IFIH1: variants seen among roughly 807,000 people sequenced by gnomAD.
IFIH1 encodes interferon induced with helicase C domain 1.
In IFIH1, 125 loss-of-function variants were observed where a neutral mutation model predicts 107.4. The observed-to-expected ratio is 1.16, with a 90% CI of 1.01 to 1.35. IFIH1 has a LOEUF of 1.35. Ranked by LOEUF, IFIH1 falls within the 40% of genes most tolerant of loss-of-function variation. The pLI is 0.00. For synonymous variants in IFIH1, 458 were observed against 413.2 expected (o/e 1.11, Z -1.31); for missense variants, 1,333 against 1,213.7 (o/e 1.10, Z -1.46).
chr2:162,284,517 TAGA>T (rs1198616233), intron 5 of IFIH1, among the ~76,000 whole-genome samples: 6 of 151,966 alleles, frequency 3.9e-5, no homozygotes, highest in Non-Finnish European at 8.8e-5. Flanking sequence ...CCTTTTATTC[TAGA>T]AGGAGGGTGC....
chr2:162,269,012 C>T (rs901868646), intron 13 of IFIH1, among the ~76,000 whole-genome samples: 1 of 152,210 alleles, frequency 6.6e-6, no homozygotes, highest in East Asian at 1.9e-4. Context: ...ACCCAAATGC[C>T]TTTAATCTTT....
Position 162,277,672 on chromosome 2 carries a change from T to C in IFIH1, c.1787A>G (p.Lys596Arg), listed in dbSNP as rs755951360. ...CAAATGTTCTGCACAAACACGTTCT[T>C]TGCGATTTCCTTCTTTTGCAGCTGT... is the stretch of plus-strand genomic sequence containing the variant. ...EKKAAKEGNR[K>R]ERVCAEHLRK... Residue 596 changes from lysine to arginine, a missense_variant, in exon 10 of 16, where the codon AAA (lysine) becomes AGA (arginine). Coordinates refer to ENST00000649979, the MANE Select transcript of IFIH1 (RefSeq NM_022168.4). The C allele has an allele frequency of 6.2e-6, 10 of 1,604,300 alleles. No individual in the cohort carries two copies. The highest frequency in any genetic ancestry group is 8.5e-6 in the Non-Finnish European group (10 of 1,175,770).
intron 1 of IFIH1, among the ~76,000 whole-genome samples, chr2:162,311,836 G>T (rs1221064203): frequency 1.3e-5 from 2 of 152,042 alleles, no homozygotes; most frequent in Non-Finnish European, 2.9e-5. Context: ...TGGTTACAAG[G>T]CAGCTGAAAA....
intron 6 of IFIH1, 56 bp from the exon 7 acceptor site, chr2:162,281,601 A>G (rs1682811516): frequency 7.6e-7 from 1 of 1,319,668 alleles, no homozygotes; most frequent in African/African-American, 1.5e-5. Flanking sequence ...ACAGTGAGAA[A>G]ATAGCTTTAG....
intron 11 of IFIH1, among the ~76,000 whole-genome samples, chr2:162,275,355 T>C (rs1691131381): frequency 6.6e-6 from 1 of 152,128 alleles, no homozygotes; most frequent in Non-Finnish European, 1.5e-5. Flanking sequence ...AAAGTTAATA[T>C]AATAGAAATT....
intron 5 of IFIH1, among the ~76,000 whole-genome samples, chr2:162,284,894 C>T (rs994641888): frequency 1.7e-3 from 258 of 151,952 alleles, no homozygotes; most frequent in Non-Finnish European, 1.9e-3. Context: ...TGACATTGCA[C>T]CACAAAATTC....
intron 10 of IFIH1, 48 bp downstream of exon 10, chr2:162,277,367 T>C (rs970441922): frequency 2.2e-6 from 3 of 1,341,292 alleles, no homozygotes. Context: ...TAAGTTCATG[T>C]TGAAAAGGTA....
chr2:162,308,996 A>G (rs987115432), intron 2 of IFIH1, among the ~76,000 whole-genome samples: 1 of 152,212 alleles, frequency 6.6e-6, no homozygotes, highest in Admixed American at 6.5e-5. Context: ...TTGTGAAACC[A>G]GTTGAGCTAC....
chr2:162,298,055 CA>C (rs1389856730), intron 3 of IFIH1, among the ~76,000 whole-genome samples: 1 of 151,172 alleles, frequency 6.6e-6, no homozygotes, highest in Non-Finnish European at 1.5e-5. Context: ...ATATTCAAAC[CA>C]AAAAAAATAA....
chr2:162,282,552 G>T lies in IFIH1; in HGVS notation c.1120C>A (p.Arg374Ser). 6.2e-7 allele frequency: 1 copy of T among 1,610,190 alleles called. No homozygotes were observed. Among genetic ancestry groups the T allele is most frequent in the Non-Finnish European group, 8.5e-7 (1 of 1,177,916 alleles). The change falls in exon 6 of 16, where the codon CGC (arginine) becomes AGC (serine). Residue 374 changes from arginine to serine, a missense_variant. Coordinates refer to ENST00000649979, the MANE Select transcript of IFIH1 (RefSeq NM_022168.4). Reference sequence around the variant, plus strand: ...TTCAAAAATGGTTGGAACTCCTTGCGGAAGAGCTGTTCAACTAGCAGTACC... The same window carrying T: ...TTCAAAAATGGTTGGAACTCCTTGCTGAAGAGCTGTTCAACTAGCAGTACC... Reference protein sequence around the residue: ...NKVLLVEQLFRKEFQPFLKKW... With the variant: ...NKVLLVEQLFSKEFQPFLKKW...
In IFIH1 at chr2:162,281,497, G is replaced by A. The variant is rs147642994; in HGVS notation, c.1355C>T (p.Ala452Val). 1 of 1,611,692 alleles carries A rather than the reference G, an allele frequency of 6.2e-7. No homozygotes were observed. The highest frequency in any genetic ancestry group is 2.2e-5 in the East Asian group (1 of 44,812). Reference protein sequence around the residue: ...IDECHHTNKEAVYNNIMRHYL... With the variant: ...IDECHHTNKEVVYNNIMRHYL... ...ATGCCTCATGATGTTATTATACACT[G>A]CTTCTTTGTTGGTGTGATGACATTC... Residue 452 changes from alanine to valine, a missense_variant, in exon 7 of 16, where the codon GCA (alanine) becomes GTA (valine). Transcript: ENST00000649979.
rs200017837 is a variant in IFIH1, at chr2:162,277,606, C to T, written c.1853G>A (p.Arg618Gln). The change falls in exon 10 of 16, where the codon CGA becomes CAA. Residue 618 changes from arginine to glutamine, a missense_variant. Coordinates refer to ENST00000649979, the MANE Select transcript of IFIH1 (RefSeq NM_022168.4). ...NEALQINDTI[R>Q]MIDAYTHLET... ...AAGATGAGTATACGCATCTATCATT[C>T]GAATTGTGTCATTAATTTGTAGGGC... The T allele has an allele frequency of 6.1e-5, 98 of 1,613,098 alleles. No homozygotes were observed. The highest frequency in any genetic ancestry group is 7.2e-5 in the Non-Finnish European group (85 of 1,179,422).
intron 5 of IFIH1, among the ~76,000 whole-genome samples, chr2:162,285,404 T>A (rs776099384): frequency 6.6e-5 from 10 of 152,022 alleles, no homozygotes; most frequent in Non-Finnish European, 7.4e-5. Flanking sequence ...TACCTTGTTG[T>A]TGGGCCAAAC....
In IFIH1 at chr2:162,317,838, T is replaced by C. The variant is rs369707091; in HGVS notation, c.453+17A>G. The C allele has an allele frequency of 3.0e-5, 47 of 1,545,536 alleles. No homozygotes were observed. In the Middle Eastern group the frequency reaches 1.2e-3, roughly 40 times the overall value. On this transcript the variant is annotated intron_variant, in intron 1 of 15. Transcript: ENST00000649979. ...AAATCTGCCTAAAAGGCTAGCTCCATCTGAACAGACACCTACCCGGTTTCT... is the reference window on the plus strand; with the variant it reads ...AAATCTGCCTAAAAGGCTAGCTCCACCTGAACAGACACCTACCCGGTTTCT...
intron 1 of IFIH1, among the ~76,000 whole-genome samples, chr2:162,311,917 C>G (rs1683391149): frequency 6.6e-6 from 1 of 152,070 alleles, no homozygotes; most frequent in Non-Finnish European, 1.5e-5. Flanking sequence ...ATACTGATGT[C>G]TAGGAAACAC....
At chr2:162,300,613 C>T (rs1321031415) in intron 3 of IFIH1, among the ~76,000 whole-genome samples, 1 of 152,170 alleles carries the variant, frequency 6.6e-6, no homozygotes, top group Non-Finnish European at 1.5e-5. Flanking sequence ...TCTCTCAGCT[C>T]AAATTAATAT....
intron 5 of IFIH1, 77 bp from the exon 6 acceptor site, chr2:162,282,653 G>A: frequency 1.2e-6 from 1 of 868,236 alleles, no homozygotes; most frequent in South Asian, 1.6e-5. Context: ...AGGCCTGTTT[G>A]GCATCCAGCA....
intron 1 of IFIH1, 152 bp downstream of exon 1, chr2:162,317,703 A>G: frequency 1.6e-6 from 1 of 632,166 alleles, no homozygotes. Flanking sequence ...AATTTTTAAA[A>G]TTGTCTTAAA....
intron 2 of IFIH1, 140 bp downstream of exon 2, chr2:162,310,625 A>G (rs1683369761): frequency 9.3e-6 from 6 of 642,276 alleles, no homozygotes; most frequent in South Asian, 6.0e-5. Flanking sequence ...GTGATAAAAT[A>G]GATGATCTAT....
Sources: allele counts gnomAD v4.1 joint callset (sites outside exome capture counted in the v4.1 genomes callset), GRCh38; gene constraint gnomAD v4.1.1; transcripts MANE v1.5; gene names NCBI Gene and HGNC (gene_info 2026-07-23, HGNC 2026-07-21).